LPCAT1: variants seen among roughly 807,000 people sequenced by gnomAD.
The protein encoded by LPCAT1 is lysophosphatidylcholine acyltransferase 1, also known as 1-acylglycerol-3-phosphate O-acyltransferase.
In LPCAT1, 23 loss-of-function variants were observed where a neutral mutation model predicts 60.9. The ratio of observed to expected loss-of-function variants is 0.38; its 90% CI spans 0.27 to 0.53. LPCAT1 has a LOEUF of 0.53. Among genes scored for constraint, LPCAT1 ranks in the 20% least tolerant of loss-of-function variants. The pLI, the probability that LPCAT1 is intolerant of heterozygous loss-of-function variation, is 0.82. For synonymous variants in LPCAT1, 340 were observed against 301.1 expected (o/e 1.13, Z -1.34); for missense variants, 622 against 723.6 (o/e 0.86, Z 1.61).
In LPCAT1 at chr5:1,487,030, C is replaced by T. The variant is rs967246217; in HGVS notation, c.667+1361G>A. 6.6e-6 allele frequency among the ~76,000 whole-genome samples: 1 copy of T among 152,184 alleles called. No homozygotes were observed. The highest frequency in any genetic ancestry group is 1.5e-5 in the Non-Finnish European group (1 of 68,030). ...GCCCTCCTCACGTCTACACAAGGGC[C>T]GCCAGCTCCAAAGGGCAAGGCGATG... is the stretch of plus-strand genomic sequence containing the variant. On this transcript the variant is annotated intron_variant, in intron 5 of 13. Coordinates refer to ENST00000283415, the MANE Select transcript of LPCAT1 (RefSeq NM_024830.5). This position sits in a 1 kb window ranked among gnomAD's most constrained non-coding sequence, Gnocchi z 6.1.
At chr5:1,467,721 C>G (rs1245274505) in intron 12 of LPCAT1, among the ~76,000 whole-genome samples, 1 of 151,242 alleles carries the variant, frequency 6.6e-6, no homozygotes, top group Non-Finnish European at 1.5e-5. Flanking sequence ...TAGGCTCGAG[C>G]CTGGCCCACG....
chr5:1,497,306 G>A (rs1735830926), intron 2 of LPCAT1, among the ~76,000 whole-genome samples: 1 of 152,268 alleles, frequency 6.6e-6, no homozygotes, highest in Non-Finnish European at 1.5e-5. Flanking sequence ...GCTGAGGCCT[G>A]CATCTCCTCA....
At chr5:1,519,093 G>A (rs1166017030) in intron 1 of LPCAT1, among the ~76,000 whole-genome samples, 1 of 152,260 alleles carries the variant, frequency 6.6e-6, no homozygotes, top group East Asian at 1.9e-4. Context: ...GACAATATAA[G>A]ATAAAGGGCT....
At chr5:1,482,162 G>C (rs913895166) in intron 6 of LPCAT1, among the ~76,000 whole-genome samples, 3 of 151,986 alleles carry the variant, frequency 2.0e-5, no homozygotes, top group Non-Finnish European at 4.4e-5. Flanking sequence ...AGTCCACCTG[G>C]GCCGTCTTTA....
intron 6 of LPCAT1, among the ~76,000 whole-genome samples, chr5:1,482,240 G>A (rs1735175276): frequency 1.3e-5 from 2 of 151,550 alleles, no homozygotes; most frequent in Admixed American, 6.6e-5. Flanking sequence ...GAACACAGCT[G>A]GCACCAAATG....
intron 1 of LPCAT1, among the ~76,000 whole-genome samples, chr5:1,507,063 G>A (rs916831245): frequency 1.3e-5 from 2 of 152,228 alleles, no homozygotes; most frequent in Admixed American, 6.5e-5. Flanking sequence ...TGTGGGGAGC[G>A]GGAGCAGCCT....
intron 3 of LPCAT1, among the ~76,000 whole-genome samples, chr5:1,490,431 C>T (rs114906688): frequency 0.013 from 1,914 of 152,160 alleles, 53 homozygotes; most frequent in African/African-American, 0.044. Flanking sequence ...GAAGAGGAGA[C>T]GAAGAGGGGG....
intron 3 of LPCAT1, among the ~76,000 whole-genome samples, chr5:1,491,967 GGGGAGATGTCTCTGAGCTGGAAACCT>G (rs1735599818): frequency 6.6e-6 from 1 of 151,906 alleles, no homozygotes; most frequent in Non-Finnish European, 1.5e-5. Flanking sequence ...AGCTGGGACC[GGGGAGATGTCTCTGAGCTGGAAACCT>G]GGGAGACGTC....
At chr5:1,474,190 C>G in intron 10 of LPCAT1, 80 bp from the exon 11 acceptor site, 3 of 1,426,298 alleles carry the variant, frequency 2.1e-6, no homozygotes, top group Non-Finnish European at 2.9e-6. Context: ...TAAGACTCAT[C>G]AAAATATTAA....
chr5:1,492,220 C>T (rs1397704844), intron 3 of LPCAT1, among the ~76,000 whole-genome samples: 2 of 151,094 alleles, frequency 1.3e-5, no homozygotes, highest in East Asian at 3.9e-4. Flanking sequence ...TATCTCTGAG[C>T]TGGGACAAGG....
rs192216024 is a variant in LPCAT1 at position 1,523,463 on chromosome 5, G to A, written c.135+247C>T. ...GGCGGGGATGGGAAGCGGGGACCCC[G>A]AGGAAGGCGCTGAGGGACCAGGATG... On this transcript the variant is annotated intron_variant, in intron 1 of 13. Transcript: ENST00000283415. The surrounding 1 kb of genome is among the most constrained non-coding windows in gnomAD (Gnocchi z 7.1). Among the ~76,000 whole-genome samples, 1 of 151,794 alleles carries A rather than the reference G, an allele frequency of 6.6e-6. No individual in the cohort carries two copies. Among genetic ancestry groups the A allele is most frequent in the Admixed American group, 6.6e-5 (1 of 15,256 alleles).
At chr5:1,465,778 A>AAC (rs56107704) in intron 13 of LPCAT1, among the ~76,000 whole-genome samples, 106,339 of 151,912 alleles carry the variant, frequency 0.7, 37,353 homozygotes, top group South Asian at 0.84. Context: ...ACACACGGTA[A>AAC]ACATGCACAC....
At chr5:1,479,716 C>G in intron 7 of LPCAT1, 41 bp from the exon 8 acceptor site, 1 of 1,505,664 alleles carries the variant, frequency 6.6e-7, no homozygotes, top group Non-Finnish European at 9.2e-7. Flanking sequence ...ATTTACAACT[C>G]GGGTTAACAA....
intron 3 of LPCAT1, among the ~76,000 whole-genome samples, chr5:1,490,077 G>A (rs913300935): frequency 6.6e-6 from 1 of 152,220 alleles, no homozygotes; most frequent in Non-Finnish European, 1.5e-5. Context: ...TAGCCTCAGT[G>A]CCACAAGTAA....
Position 1,477,598 on chromosome 5 carries a change from T to C in LPCAT1, c.817-112A>G, listed in dbSNP as rs142220764. On this transcript the variant is annotated intron_variant, in intron 8 of 13. Transcript: ENST00000283415. The surrounding 1 kb of genome is among the most constrained non-coding windows in gnomAD (Gnocchi z 6.0). ...TAAGATCTGTCAAAGTAACGCCCAT[T>C]AGAACCGTCTTCAAAGTTGTCATGT... 920 of 744,678 alleles carry C rather than the reference T, an allele frequency of 1.2e-3. 3 individuals are homozygous for C. In the African/African-American group the frequency reaches 0.013, roughly 11 times the overall value. 46.1% of individuals were successfully genotyped at this position (744,678 alleles called of 1,614,324 possible). A position where few individuals can be genotyped will look rare whatever the true frequency, so the allele number is the denominator to read the frequency against.
chr5:1,465,593 G>A (rs572911124), intron 13 of LPCAT1, among the ~76,000 whole-genome samples: 10 of 149,416 alleles, frequency 6.7e-5, no homozygotes, highest in African/African-American at 2.5e-4. Flanking sequence ...GCACACACAC[G>A]CACGGTACTA....
chr5:1,503,125 C>T (rs562796106), intron 1 of LPCAT1, among the ~76,000 whole-genome samples: 1 of 152,294 alleles, frequency 6.6e-6, no homozygotes, highest in Admixed American at 6.5e-5. Context: ...GTACGCAGAT[C>T]TAGATGATGT....
chr5:1,499,918 C>G (rs1461797611), intron 2 of LPCAT1, among the ~76,000 whole-genome samples: 2 of 152,260 alleles, frequency 1.3e-5, no homozygotes, highest in Non-Finnish European at 2.9e-5. Flanking sequence ...GCTGTACATA[C>G]AGCCCACAGA....
At position 1,494,468 on chromosome 5, in the gene LPCAT1, T is replaced by TG. The variant is rs550876102; in HGVS notation, c.493+231dup. On this transcript the variant is annotated intron_variant, in intron 3 of 13. Transcript: ENST00000283415. Reference sequence around the variant, plus strand: ...GAGGGTCTCACTCATTTCCAGCAAGTGGGGGTCCCTCATTCCTAGCAGGGA... The same window carrying TG: ...GAGGGTCTCACTCATTTCCAGCAAGTGGGGGGTCCCTCATTCCTAGCAGGGA... 1.9e-3 allele frequency among the ~76,000 whole-genome samples: 270 copies of TG among 141,634 alleles called. 1 individual carries two copies. The South Asian group carries it at 0.029, about 15-fold the overall frequency. The allele number at this position is 141,634 out of a possible 152,430, so 92.9% of individuals were successfully genotyped here.
Sources: allele counts gnomAD v4.1 joint callset (sites outside exome capture counted in the v4.1 genomes callset), GRCh38; gene constraint gnomAD v4.1.1; non-coding constraint Gnocchi (gnomAD v3.1); transcripts MANE v1.5; gene names NCBI Gene and HGNC (gene_info 2026-07-23, HGNC 2026-07-21).